Variants in XKR6 observed in about 807,000 individuals in gnomAD.
The protein encoded by XKR6 is XK related 6.
In XKR6, 22 loss-of-function variants were observed where a neutral mutation model predicts 56.7. That is an observed-to-expected ratio of 0.39 (90% CI 0.28 to 0.55). The LOEUF (loss-of-function observed/expected upper bound fraction) is 0.55. Ranked by LOEUF, XKR6 falls within the 20% of genes least tolerant of loss-of-function variation. The pLI, the probability that XKR6 is intolerant of heterozygous loss-of-function variation, is 0.66. For synonymous variants in XKR6, 524 were observed against 387.8 expected, an observed-to-expected ratio of 1.35 and a Z score of -4.13; for missense variants, 852 against 889.0, an observed-to-expected ratio of 0.96 and a Z score of 0.53.
At chr8:11,089,655 A>C (rs995412779) in intron 1 of XKR6, among the ~76,000 whole-genome samples, 17 of 152,164 alleles carry the variant, frequency 1.1e-4, no homozygotes, top group Admixed American at 4.6e-4. Context: ...ATAAAAATGA[A>C]ATATTTCAAC....
At chr8:11,185,053 G>A (rs1803199111) in intron 1 of XKR6, among the ~76,000 whole-genome samples, 1 of 152,080 alleles carries the variant, frequency 6.6e-6, no homozygotes, top group Non-Finnish European at 1.5e-5. Flanking sequence ...AGACAAAGCT[G>A]GGCACATTAG....
chr8:11,143,976 C>T (rs1026465133), intron 1 of XKR6, among the ~76,000 whole-genome samples: 1 of 152,136 alleles, frequency 6.6e-6, no homozygotes, highest in African/African-American at 2.4e-5. Context: ...CCTCACAGGG[C>T]CTTTCCTCTG....
At chr8:11,143,682 G>A (rs540380396) in intron 1 of XKR6, among the ~76,000 whole-genome samples, 31 of 152,300 alleles carry the variant, frequency 2.0e-4, no homozygotes, top group Admixed American at 1.9e-3. Flanking sequence ...TTGGAGGAAG[G>A]GAAGGGATTG....
At chr8:11,098,205 ACT>A (rs79787300) in intron 1 of XKR6, among the ~76,000 whole-genome samples, 1 of 150,196 alleles carries the variant, frequency 6.7e-6, no homozygotes, top group Non-Finnish European at 1.5e-5. Flanking sequence ...TCCCCAGGTG[ACT>A]CTCTCACACA....
chr8:10,986,465 A>G (rs1797866073), intron 1 of XKR6, among the ~76,000 whole-genome samples: 1 of 152,230 alleles, frequency 6.6e-6, no homozygotes, highest in African/African-American at 2.4e-5. Context: ...CGACACCATT[A>G]TCTTTATACT....
chr8:10,949,123 C>A (rs146263255), intron 1 of XKR6, among the ~76,000 whole-genome samples: 366 of 152,354 alleles, frequency 2.4e-3, no homozygotes, highest in African/African-American at 8.4e-3. Context: ...TGAGCCCTGG[C>A]TGGAGGAGCC....
intron 1 of XKR6, chr8:11,104,846 T>C (rs1798617971): frequency 6.6e-6 from 1 of 152,222 alleles, no homozygotes; most frequent in East Asian, 1.9e-4. Context: ...CCTAAATGCC[T>C]GTATTGCAGT....
At chr8:11,076,023 G>A (rs1800265458) in intron 1 of XKR6, among the ~76,000 whole-genome samples, 1 of 152,166 alleles carries the variant, frequency 6.6e-6, no homozygotes, top group Admixed American at 6.6e-5. Context: ...TCCATCCACT[G>A]GAATATTATT....
intron 1 of XKR6, among the ~76,000 whole-genome samples, chr8:11,160,772 G>A (rs9987122): frequency 0.062 from 9,467 of 152,010 alleles, 343 homozygotes; most frequent in South Asian, 0.097. Flanking sequence ...GCTGGGTATG[G>A]TGGCACTTGC....
At chr8:11,180,818 G>T (rs1175846406) in intron 1 of XKR6, among the ~76,000 whole-genome samples, 1 of 152,134 alleles carries the variant, frequency 6.6e-6, no homozygotes, top group East Asian at 1.9e-4. Context: ...GAGGCAGGAG[G>T]AGCACACCAG....
chr8:11,101,213 CGA>C (rs946453140), intron 1 of XKR6, among the ~76,000 whole-genome samples: 1 of 152,068 alleles, frequency 6.6e-6, no homozygotes, highest in Non-Finnish European at 1.5e-5. Flanking sequence ...AAATTATACA[CGA>C]GAGTCATTGA....
rs116732490 is a variant in XKR6, at chr8:10,992,938, G to T, written c.765-68108C>A. Reference sequence around the variant, plus strand: ...CTGAGGTGGCAAACTACCTGAGAAGGTCATAGAATGTCACCTTTCCCAATG... The same window carrying T: ...CTGAGGTGGCAAACTACCTGAGAAGTTCATAGAATGTCACCTTTCCCAATG... On this transcript the variant is annotated intron_variant, in intron 1 of 2. Coordinates refer to ENST00000416569, the MANE Select transcript of XKR6 (RefSeq NM_173683.4). 1.9e-3 allele frequency among the ~76,000 whole-genome samples: 293 copies of T among 152,326 alleles called. 1 individual carries two copies. The highest frequency in any genetic ancestry group is 6.7e-3 in the African/African-American group (279 of 41,576).
intron 2 of XKR6, among the ~76,000 whole-genome samples, chr8:10,912,418 CAT>C (rs1362125762): frequency 1.1e-5 from 1 of 91,890 alleles, no homozygotes; most frequent in Non-Finnish European, 2.1e-5. Context: ...AGAGAGTGAG[CAT>C]ATATATATGA....
intron 2 of XKR6, among the ~76,000 whole-genome samples, chr8:10,911,601 G>C (rs1800370479): frequency 6.8e-6 from 1 of 146,734 alleles, no homozygotes; most frequent in African/African-American, 2.5e-5. Context: ...GAGAGGGTGA[G>C]ATTGCACATA....
chr8:11,033,218 T>C (rs1366294174), intron 1 of XKR6, among the ~76,000 whole-genome samples: 1 of 151,910 alleles, frequency 6.6e-6, no homozygotes, highest in African/African-American at 2.4e-5. Context: ...GTGCTAAGGA[T>C]GGTTACGATG....
intron 1 of XKR6, among the ~76,000 whole-genome samples, chr8:10,990,596 T>A (rs957851434): frequency 6.6e-6 from 1 of 152,170 alleles, no homozygotes; most frequent in African/African-American, 2.4e-5. Flanking sequence ...GTTGTTGTTG[T>A]TGCTGTTATT....
chr8:11,040,359 TAAAAAAAAA>T (rs143219123), intron 1 of XKR6, among the ~76,000 whole-genome samples: 1 of 107,336 alleles, frequency 9.3e-6, no homozygotes, highest in African/African-American at 3.3e-5. Context: ...TCATGTCTGC[TAAAAAAAAA>T]AAAAAAAAAA....
At chr8:10,963,015 T>C (rs1378375187) in intron 1 of XKR6, among the ~76,000 whole-genome samples, 1 of 152,214 alleles carries the variant, frequency 6.6e-6, no homozygotes, top group Admixed American at 6.5e-5. Context: ...TGTCCTTCGA[T>C]CATTTCTGGT....
chr8:11,125,732 C>T (rs1253774407), intron 1 of XKR6: 2 of 152,260 alleles, frequency 1.3e-5, no homozygotes, highest in Non-Finnish European at 2.9e-5. Context: ...AAATTCCTCT[C>T]CAGGTTAAAT....
Sources: allele counts gnomAD v4.1 joint callset (sites outside exome capture counted in the v4.1 genomes callset), GRCh38; gene constraint gnomAD v4.1.1; transcripts MANE v1.5; gene names NCBI Gene and HGNC (gene_info 2026-07-23, HGNC 2026-07-21).